The following SLCO1C1 variants were observed in gnomAD, a reference collection of about 807,000 sequenced individuals.
The protein encoded by SLCO1C1 is solute carrier organic anion transporter family member 1C1.
SLCO1C1 carries 70 observed loss-of-function variants against 76.4 expected under a neutral mutation model. The ratio of observed to expected loss-of-function variants is 0.92; its 90% CI spans 0.76 to 1.12. The LOEUF (loss-of-function observed/expected upper bound fraction) is 1.12, where lower values mean the gene tolerates loss of function less well. Ranked by LOEUF, SLCO1C1 falls within the 50% of genes most tolerant of loss-of-function variation. The probability of loss-of-function intolerance (pLI) is 0.00; values close to 1 mark genes in which losing one functional copy is unlikely to be tolerated. For synonymous variants in SLCO1C1, 306 were observed against 286.1 expected (o/e 1.07, Z -0.70); for missense variants, 912 against 823.8 (o/e 1.11, Z -1.31).
At chr12:20,730,979 A>T (rs1249279489) in intron 9 of SLCO1C1, among the ~76,000 whole-genome samples, 1 of 152,148 alleles carries the variant, frequency 6.6e-6, no homozygotes, top group African/African-American at 2.4e-5. Context: ...TACAGATTTA[A>T]TTGACAAAGG....
At position 20,701,330 on chromosome 12, in the gene SLCO1C1, G is replaced by A; in HGVS notation, c.142G>A (p.Ala48Thr). The A allele has an allele frequency of 6.5e-7, 1 of 1,531,344 alleles. No individual in the cohort carries two copies. The highest frequency in any genetic ancestry group is 8.9e-7 in the Non-Finnish European group (1 of 1,122,968). The allele number at this position is 1,531,344 out of a possible 1,614,324, so 94.9% of individuals were successfully genotyped here. A position where few individuals can be genotyped will look rare whatever the true frequency, so the allele number is the denominator to read the frequency against. The change falls in exon 3 of 15, where the codon GCC becomes ACC. Residue 48 changes from alanine (A) to threonine (T), a missense_variant. By Grantham distance (58) the Ala-to-Thr change is moderately conservative. Coordinates refer to ENST00000266509, the MANE Select transcript of SLCO1C1 (RefSeq NM_017435.5). Reference sequence around the variant, plus strand: ...TCATATTTTCCAGGTGTTCTTGTGTGCCTTGTCTTTTGTTTACTTTGCCAA... The same window carrying A: ...TCATATTTTCCAGGTGTTCTTGTGTACCTTGTCTTTTGTTTACTTTGCCAA... The part of the protein sequence containing the change: ...CCGELKVFLC[A>T]LSFVYFAKAL...
At chr12:20,751,042 C>T (rs1949281031) in intron 14 of SLCO1C1, 1 of 708,922 alleles carries the variant, frequency 1.4e-6, no homozygotes, top group East Asian at 2.8e-5. Context: ...CAAAAGTGTC[C>T]AGAATACAGT....
chr12:20,734,494 T>C (rs576560394), intron 10 of SLCO1C1, among the ~76,000 whole-genome samples: 1 of 152,336 alleles, frequency 6.6e-6, no homozygotes, highest in South Asian at 2.1e-4. Flanking sequence ...GACTTTATAG[T>C]TTGTGATTTC....
At chr12:20,744,387 A>T (rs1255791870) in intron 13 of SLCO1C1, among the ~76,000 whole-genome samples, 2 of 152,164 alleles carry the variant, frequency 1.3e-5, no homozygotes, top group African/African-American at 4.8e-5. Context: ...TATCATAAGC[A>T]AAGTCAAATG....
intron 1 of SLCO1C1, among the ~76,000 whole-genome samples, chr12:20,698,827 A>G (rs7961149): frequency 0.018 from 2,782 of 152,156 alleles, 69 homozygotes; most frequent in African/African-American, 0.063. Context: ...GGCACAGGAT[A>G]TGTAAATATT....
chr12:20,724,854 A>G (rs1947884592), intron 9 of SLCO1C1, among the ~76,000 whole-genome samples: 1 of 145,858 alleles, frequency 6.9e-6, no homozygotes. Flanking sequence ...TAATATAATA[A>G]TATATATTAT....
chr12:20,728,973 GA>G (rs1235146505), intron 9 of SLCO1C1, among the ~76,000 whole-genome samples: 1 of 152,080 alleles, frequency 6.6e-6, no homozygotes, highest in Non-Finnish European at 1.5e-5. Flanking sequence ...AGAAAACACA[GA>G]AAATAAATTG....
At chr12:20,722,494 T>G (rs1401341253) in intron 8 of SLCO1C1, among the ~76,000 whole-genome samples, 5 of 152,198 alleles carry the variant, frequency 3.3e-5, no homozygotes, top group Admixed American at 6.5e-5. Context: ...ATGAACCCCC[T>G]TCATGGAAAT....
chr12:20,724,116 G>T (rs953536076), intron 9 of SLCO1C1, among the ~76,000 whole-genome samples: 5 of 151,820 alleles, frequency 3.3e-5, no homozygotes, highest in Admixed American at 2.6e-4. Flanking sequence ...TGATGTTAAG[G>T]TTACGTTACT....
intron 12 of SLCO1C1, among the ~76,000 whole-genome samples, chr12:20,742,984 A>G (rs1395973752): frequency 2.0e-5 from 3 of 152,018 alleles, no homozygotes; most frequent in Non-Finnish European, 4.4e-5. Context: ...AATTCTAACA[A>G]TTTCTTAGGA....
At position 20,740,217 on chromosome 12, in the gene SLCO1C1, G is replaced by C. The variant is rs1948739238; in HGVS notation, c.1582G>C (p.Ala528Pro). The C allele has an allele frequency of 1.9e-6, 3 of 1,612,632 alleles. No individual in the cohort carries two copies. The South Asian group carries it at 3.3e-5, about 18-fold the overall frequency. The change falls in exon 12 of 15, where the codon GCT (alanine) becomes CCT (proline). Residue 528 changes from alanine (A) to proline (P), a missense_variant. Coordinates refer to ENST00000266509, the MANE Select transcript of SLCO1C1 (RefSeq NM_017435.5). ...FYNCTCVGIA[A>P]SKSGNSSGIV... ...CAACTGCACTTGTGTGGGAATTGCA[G>C]CTTCTAAATCCGGAAATTCCTCAGG...
intron 13 of SLCO1C1, among the ~76,000 whole-genome samples, chr12:20,748,610 A>C (rs1438071292): frequency 6.6e-6 from 1 of 151,956 alleles, no homozygotes; most frequent in Non-Finnish European, 1.5e-5. Context: ...TTTTCTTTTG[A>C]TCCAAGGTCA....
intron 12 of SLCO1C1, among the ~76,000 whole-genome samples, chr12:20,742,978 C>T (rs898457212): frequency 6.6e-6 from 1 of 152,096 alleles, no homozygotes; most frequent in African/African-American, 2.4e-5. Context: ...CTTAAAAATT[C>T]TAACAATTTC....
chr12:20,724,407 GTGTGTATATATATATATA>G (rs1434835722), intron 9 of SLCO1C1, among the ~76,000 whole-genome samples: 1,271 of 45,268 alleles, frequency 0.028, 9 homozygotes, highest in South Asian at 0.084. Context: ...GTGTGTGTGT[GTGTGTATATATATATATA>G]TATATATATA....
At chr12:20,740,061 AT>A (rs1948729502) in intron 11 of SLCO1C1, 122 bp from the exon 12 acceptor site, 8 of 994,442 alleles carry the variant, frequency 8.0e-6, no homozygotes, top group South Asian at 1.7e-5. Context: ...ATACAAAAAA[AT>A]AAAAGAATAT....
At chr12:20,710,123 C>A (rs1238132144) in intron 4 of SLCO1C1, among the ~76,000 whole-genome samples, 1 of 151,316 alleles carries the variant, frequency 6.6e-6, no homozygotes, top group African/African-American at 2.4e-5. Context: ...TTAAGGTAAC[C>A]TGTTTATCAA....
chr12:20,749,945 G>C (rs1949218699), intron 13 of SLCO1C1, among the ~76,000 whole-genome samples: 2 of 152,196 alleles, frequency 1.3e-5, no homozygotes, highest in Non-Finnish European at 2.9e-5. Context: ...TGGGATAAAG[G>C]AAACTACACA....
chr12:20,699,156 T>G (rs1946401409), intron 1 of SLCO1C1, among the ~76,000 whole-genome samples: 1 of 152,070 alleles, frequency 6.6e-6, no homozygotes, highest in African/African-American at 2.4e-5. Flanking sequence ...TTTAAAGGCT[T>G]TAAAGACTTT....
chr12:20,700,580 T>C (rs376330538), intron 2 of SLCO1C1, among the ~76,000 whole-genome samples: 2 of 152,038 alleles, frequency 1.3e-5, no homozygotes, highest in East Asian at 1.9e-4. Context: ...GTATATCTCC[T>C]AATGCTGTCC....
Sources: gnomAD v4.1 joint callset for allele counts (sites outside exome capture counted in the v4.1 genomes callset) on GRCh38, gnomAD v4.1.1 for gene constraint, MANE v1.5 for transcripts, NCBI Gene and HGNC (gene_info 2026-07-23, HGNC 2026-07-21) for gene names.